Variants in RASGEF1A observed in about 807,000 individuals in gnomAD.
The protein encoded by RASGEF1A is RasGEF domain family member 1A, also known as ras-GEF domain-containing family member 1A.
RASGEF1A carries 18 observed loss-of-function variants against 56.4 expected under a neutral mutation model. That is an observed-to-expected ratio of 0.32 (90% confidence interval 0.22 to 0.47). The LOEUF (loss-of-function observed/expected upper bound fraction) is 0.47. Among genes scored for constraint, RASGEF1A ranks in the 20% least tolerant of loss-of-function variants. The pLI is 1.00. For synonymous variants in RASGEF1A, 245 were observed against 242.6 expected (o/e 1.01, Z -0.09); for missense variants, 422 against 627.1 (o/e 0.67, Z 3.49).
chr10:43,237,315 C>T (rs1191496813), intron 1 of RASGEF1A, among the ~76,000 whole-genome samples: 1 of 152,110 alleles, frequency 6.6e-6, no homozygotes, highest in East Asian at 1.9e-4. Context: ...CCTCCCCGAC[C>T]CCGGAGGCTC....
rs1448395779 is a variant in RASGEF1A, at chr10:43,199,771, G to A, written c.757-3C>T. The A allele has an allele frequency of 6.2e-7, 1 of 1,612,860 alleles. No homozygotes were observed. Among genetic ancestry groups the A allele is most frequent in the South Asian group, 1.1e-5 (1 of 91,050 alleles). On this transcript the variant is annotated splice_region_variant and splice_polypyrimidine_tract_variant and intron_variant, in intron 6 of 12. Coordinates refer to ENST00000395810, the MANE Select transcript of RASGEF1A (RefSeq NM_145313.4). ...GTCTTGGTCAGGTCCCCTCGGCACT[G>A]GAAAGGACACAGCAGGTCATAGGGG...
At chr10:43,260,441 T>C (rs891153787) in intron 1 of RASGEF1A, among the ~76,000 whole-genome samples, 1 of 152,188 alleles carries the variant, frequency 6.6e-6, no homozygotes, top group Non-Finnish European at 1.5e-5. Context: ...ACCGGATGCA[T>C]CTGGCGTCCT....
rs1057053083 is a variant in RASGEF1A at position 43,246,311 on chromosome 10, A to C, written c.-7+20534T>G. Among the ~76,000 whole-genome samples, 2 of 152,168 alleles carry C rather than the reference A, an allele frequency of 1.3e-5. 1 individual carries two copies. The highest frequency in any genetic ancestry group is 4.1e-4 in the South Asian group (2 of 4,828). ...TCCCATGTTCATGGATTGTAAGACAATATTCTTCAGATGGCAATACTCCCC... is the reference window on the plus strand; with the variant it reads ...TCCCATGTTCATGGATTGTAAGACACTATTCTTCAGATGGCAATACTCCCC... On this transcript the variant is annotated intron_variant, in intron 1 of 12. Transcript: ENST00000395810.
intron 1 of RASGEF1A, among the ~76,000 whole-genome samples, chr10:43,232,158 A>G (rs1432221713): frequency 1.3e-5 from 2 of 152,232 alleles, no homozygotes; most frequent in South Asian, 2.1e-4. Context: ...CTCATGTTCA[A>G]TTGTAATCCC....
At chr10:43,261,467 G>A (rs1836527969) in intron 1 of RASGEF1A, among the ~76,000 whole-genome samples, 1 of 152,238 alleles carries the variant, frequency 6.6e-6, no homozygotes, top group Non-Finnish European at 1.5e-5. Context: ...CACCTGGCCT[G>A]GCCTCGCCAG....
At position 43,256,654 on chromosome 10, in the gene RASGEF1A, C is replaced by T. The variant is rs983457753; in HGVS notation, c.-7+10191G>A. ...TCAGCCGCTTCCCCCACACAGTCTC[C>T]CGTCCCTGGTTCTCTCCACGTTGGG... On this transcript the variant is annotated intron_variant, in intron 1 of 12. Transcript: ENST00000395810. Among the ~76,000 whole-genome samples, 15 of 152,336 alleles carry T rather than the reference C, an allele frequency of 9.8e-5. No homozygotes were observed. The East Asian group carries it at 2.5e-3, about 25-fold the overall frequency.
At chr10:43,201,498 A>C (rs528042253) in intron 4 of RASGEF1A, among the ~76,000 whole-genome samples, 1 of 152,162 alleles carries the variant, frequency 6.6e-6, no homozygotes, top group Admixed American at 6.5e-5. Context: ...AGCCTTACAA[A>C]CTCTCAATAG....
In RASGEF1A at chr10:43,201,950, G is replaced by A. The variant is rs374053578; in HGVS notation, c.322-5C>T. The A allele has an allele frequency of 2.1e-5, 33 of 1,603,246 alleles. No homozygotes were observed. Among genetic ancestry groups the A allele is most frequent in the Non-Finnish European group, 2.8e-5 (33 of 1,173,400 alleles). ...TGAGAAAGACTTCAGCTTGGCCTGG[G>A]GCAGCAGGGGATACAGAGTAAGGCC... On this transcript the variant is annotated splice_polypyrimidine_tract_variant and splice_region_variant and intron_variant, in intron 3 of 12. Coordinates refer to ENST00000395810, the MANE Select transcript of RASGEF1A (RefSeq NM_145313.4).
chr10:43,203,209 T>A (rs1839936681), intron 3 of RASGEF1A, 89 bp downstream of exon 3: 1 of 1,160,908 alleles, frequency 8.6e-7, no homozygotes, highest in South Asian at 1.4e-5. Context: ...AGCTCTACCG[T>A]GAACCCCGCC....
intron 1 of RASGEF1A, among the ~76,000 whole-genome samples, chr10:43,222,523 T>C (rs1363252881): frequency 6.6e-6 from 1 of 152,196 alleles, no homozygotes; most frequent in African/African-American, 2.4e-5. Flanking sequence ...AGGAGCGGCT[T>C]CAGAGCTTCT....
intron 1 of RASGEF1A, among the ~76,000 whole-genome samples, chr10:43,238,539 C>T (rs552277486): frequency 6.6e-6 from 1 of 152,246 alleles, no homozygotes; most frequent in Non-Finnish European, 1.5e-5. Context: ...CCCATGTCCA[C>T]ATACACTCCT....
At position 43,206,083 on chromosome 10, in the gene RASGEF1A, G is replaced by C; in HGVS notation, c.34C>G (p.Leu12Val). Residue 12 changes from leucine (L) to valine (V), a missense_variant, in exon 2 of 13, where the codon CTT (leucine) becomes GTT (valine). Around this residue, in one of 2 missense-constraint regions of RASGEF1A, gnomAD observed 273 missense variants for 339.9 expected, o/e 0.80. Transcript: ENST00000395810. ...PQTSVVFSSI[L>V]GPSCSGQVQP... ...ACCTGTCCGCTACAGCTGGGCCCAA[G>C]GATGCTGGAGAAGACAACGGACGTC... The C allele has an allele frequency of 1.2e-6, 2 of 1,601,328 alleles. No individual in the cohort carries two copies. Among genetic ancestry groups the C allele is most frequent in the Non-Finnish European group, 1.7e-6 (2 of 1,174,438 alleles).
chr10:43,209,139 T>G, intron 1 of RASGEF1A: 1 of 985,430 alleles, frequency 1.0e-6, no homozygotes, highest in Non-Finnish European at 1.2e-6. Context: ...CAAGGAAGAA[T>G]TGCACACTGG....
intron 7 of RASGEF1A, 28 bp downstream of exon 7, chr10:43,199,648 C>T (rs767971155): frequency 3.2e-6 from 5 of 1,572,038 alleles, no homozygotes; most frequent in South Asian, 1.1e-5. Context: ...ATGGCAGCCA[C>T]CCCACCATGT....
At chr10:43,236,270 ACATGGCAGCAGG>A (rs1291054731) in intron 1 of RASGEF1A, among the ~76,000 whole-genome samples, 1 of 152,212 alleles carries the variant, frequency 6.6e-6, no homozygotes, top group African/African-American at 2.4e-5. Flanking sequence ...TGGAGCAAAG[ACATGGCAGCAGG>A]CATCGTCTAG....
chr10:43,197,226 GTGGCCC>G, intron 10 of RASGEF1A, 127 bp from the exon 11 acceptor site: 1 of 1,139,832 alleles, frequency 8.8e-7, no homozygotes, highest in South Asian at 1.4e-5. Flanking sequence ...AGATGGGACA[GTGGCCC>G]TGCACGCTGA....
In RASGEF1A at chr10:43,235,885, G is replaced by A. The variant is rs57618678; in HGVS notation, c.-6-29763C>T. ...CGGGTTGAGGGCCAAGACAGGGCCC[G>A]GGAAGTCACTTCCCCGAGATGAAGC... On this transcript the variant is annotated intron_variant, in intron 1 of 12. Transcript: ENST00000395810. 9.4e-3 allele frequency among the ~76,000 whole-genome samples: 1,436 copies of A among 152,244 alleles called. 18 individuals are homozygous for A. Among genetic ancestry groups the A allele is most frequent in the African/African-American group, 0.033 (1,363 of 41,534 alleles).
chr10:43,198,272 G>A (rs2133177448), intron 9 of RASGEF1A, 77 bp from the exon 10 acceptor site: 4 of 1,288,142 alleles, frequency 3.1e-6, no homozygotes, highest in African/African-American at 3.0e-5. Flanking sequence ...CCTCTGCAGA[G>A]CAGGAGGCAG....
chr10:43,251,890 C>T (rs538258940), intron 1 of RASGEF1A, among the ~76,000 whole-genome samples: 10 of 152,296 alleles, frequency 6.6e-5, no homozygotes, highest in African/African-American at 1.9e-4. Flanking sequence ...TTGTCAGGTT[C>T]GGAAGGGACA....
Sources: allele counts gnomAD v4.1 joint callset (sites outside exome capture counted in the v4.1 genomes callset), GRCh38; gene constraint gnomAD v4.1.1; regional missense constraint gnomAD v4.1.1; transcripts MANE v1.5; gene names NCBI Gene and HGNC (gene_info 2026-07-23, HGNC 2026-07-21).